TRIM36: variants seen among roughly 807,000 people sequenced by gnomAD.
TRIM36 encodes the protein E3 ubiquitin-protein ligase TRIM36.
A neutral mutation model predicts 72.4 loss-of-function variants in TRIM36; 42 were observed. The observed-to-expected ratio is 0.58, with a 90% CI of 0.45 to 0.75. The LOEUF (loss-of-function observed/expected upper bound fraction) is 0.75, where lower values mean the gene tolerates loss of function less well. TRIM36 is among the 30% of genes least tolerant of loss of function. The probability of loss-of-function intolerance (pLI) is 0.00; values close to 1 mark genes in which losing one functional copy is unlikely to be tolerated. For synonymous variants in TRIM36, 315 were observed against 282.8 expected (o/e 1.11, Z -1.14); for missense variants, 913 against 857.1 (o/e 1.07, Z -0.81).
At position 115,137,136 on chromosome 5, in the gene TRIM36, T is replaced by C. The variant is rs780420950; in HGVS notation, c.1086-12A>G. The C allele has an allele frequency of 1.2e-5, 18 of 1,562,266 alleles. No individual in the cohort carries two copies. Among genetic ancestry groups the C allele is most frequent in the Non-Finnish European group, 1.5e-5 (17 of 1,160,464 alleles). ...TGGCTTTCTGTATTCTGCAGACAGA[T>C]ATTTTATATAAAAATGTTTCTTTAA... is the stretch of plus-strand genomic sequence containing the variant. On this transcript the variant is annotated splice_polypyrimidine_tract_variant and intron_variant, in intron 6 of 9. Coordinates refer to ENST00000513154, the MANE Select transcript of TRIM36 (RefSeq NM_001300759.2).
chr5:115,130,613 G>A lies in TRIM36; in HGVS notation c.1775C>T (p.Pro592Leu), dbSNP rs1752625099. 1 of 1,613,982 alleles carries A rather than the reference G, an allele frequency of 6.2e-7. No individual in the cohort carries two copies. Among genetic ancestry groups the A allele is most frequent in the Non-Finnish European group, 8.5e-7 (1 of 1,179,938 alleles). The change falls in exon 9 of 10, where the codon CCC (proline) becomes CTC (leucine). Residue 592 changes from proline (P) to leucine (L), a missense_variant. Transcript: ENST00000513154. ...SDKLQEWLRS[P>L]RDAVSPRYEQ... Reference sequence around the variant, plus strand: ...CTACCTTGGACTAACTGCATCCCGGGGAGAACGGAGCCATTCTTGTAGTTT... The same window carrying A: ...CTACCTTGGACTAACTGCATCCCGGAGAGAACGGAGCCATTCTTGTAGTTT...
chr5:115,144,562 G>A (rs368887820), intron 4 of TRIM36, 36 bp downstream of exon 4: 85 of 1,611,244 alleles, frequency 5.3e-5, no homozygotes, highest in Admixed American at 1.9e-4. Flanking sequence ...GTAAAGTTAC[G>A]AAGAATCAAA....
At chr5:115,145,403 TGAAA>T (rs1484198527) in intron 3 of TRIM36, among the ~76,000 whole-genome samples, 3 of 152,234 alleles carry the variant, frequency 2.0e-5, no homozygotes, top group East Asian at 1.9e-4. Context: ...TGTTTTCATT[TGAAA>T]GAAAGGGGAG....
intron 2 of TRIM36, among the ~76,000 whole-genome samples, chr5:115,152,961 AAAC>A (rs531996588): frequency 2.0e-5 from 3 of 152,294 alleles, no homozygotes; most frequent in African/African-American, 7.2e-5. Context: ...AAGATTTAAA[AAAC>A]AACAACAACA....
At chr5:115,133,755 G>A in intron 8 of TRIM36, 105 bp downstream of exon 8, 3 of 1,152,508 alleles carry the variant, frequency 2.6e-6, no homozygotes, top group South Asian at 4.4e-5. Flanking sequence ...TTAAAAACAA[G>A]AGCTGGTTTC....
chr5:115,179,987 T>C (rs761145898), exon 1 of TRIM36: 14 of 1,613,974 alleles, frequency 8.7e-6, no homozygotes, highest in African/African-American at 6.7e-5. Context: ...TGCCTTTAGC[T>C]ATCAATTCCA....
Position 115,137,491 on chromosome 5 carries a change from T to G in TRIM36, c.957A>C (p.Lys319Asn). The change falls in exon 6 of 10, where the codon AAA (lysine) becomes AAC (asparagine). Residue 319 changes from lysine (K) to asparagine (N), a missense_variant. Coordinates refer to ENST00000513154, the MANE Select transcript of TRIM36 (RefSeq NM_001300759.2). ...IDSSKKLRLD[K>N]FQTQMEEYQG... Reference sequence around the variant, plus strand: ...GGTACTCTTCCATTTGAGTCTGAAATTTGTCTAATCTTAGTTTCTTAGAGG... The same window carrying G: ...GGTACTCTTCCATTTGAGTCTGAAAGTTGTCTAATCTTAGTTTCTTAGAGG... The G allele has an allele frequency of 6.2e-7, 1 of 1,614,174 alleles. No homozygotes were observed. Among genetic ancestry groups the G allele is most frequent in the East Asian group, 2.2e-5 (1 of 44,870 alleles).
chr5:115,177,638 G>T, intron 1 of TRIM36: 10 of 1,564,746 alleles, frequency 6.4e-6, no homozygotes, highest in Non-Finnish European at 8.7e-6. Context: ...GGCGGGGCAG[G>T]ATTTGAGCCT....
rs906643792 is a variant in TRIM36 at position 115,159,674 on chromosome 5, T to A, written c.262+3844A>T. The A allele has an allele frequency of 2.7e-5, 12 of 452,116 alleles. No homozygotes were observed. The East Asian group carries it at 7.8e-4, about 29-fold the overall frequency. The allele number at this position is 452,116 out of a possible 1,614,324, so 28.0% of individuals were successfully genotyped here. On this transcript the variant is annotated intron_variant, in intron 2 of 9. Coordinates refer to ENST00000513154, the MANE Select transcript of TRIM36 (RefSeq NM_001300759.2). ...CCCACAGATCTCCGTTGTGATGCTG[T>A]GAACAATGAACAGAAAGCTGGATTT...
intron 1 of TRIM36, chr5:115,177,646 C>A: frequency 6.3e-7 from 1 of 1,577,272 alleles, no homozygotes. Flanking sequence ...AGGATTTGAG[C>A]CTGAGGAGAG....
rs112582003 is a variant in TRIM36 at position 115,131,238 on chromosome 5, A to C, written c.1499-349T>G. On this transcript the variant is annotated intron_variant, in intron 8 of 9. Coordinates refer to ENST00000513154, the MANE Select transcript of TRIM36 (RefSeq NM_001300759.2). ...TCTTTATTAAAGATAAAAAATAATA[A>C]AGAGTTGTAAATTTTCATAAATAGT... is the stretch of plus-strand genomic sequence containing the variant. Among the ~76,000 whole-genome samples, 170 of 152,304 alleles carry C rather than the reference A, an allele frequency of 1.1e-3. 2 individuals carry two copies. The highest frequency in any genetic ancestry group is 3.8e-3 in the African/African-American group (156 of 41,564).
intron 2 of TRIM36, among the ~76,000 whole-genome samples, chr5:115,157,761 C>T (rs1030249836): frequency 6.6e-6 from 1 of 152,078 alleles, no homozygotes; most frequent in African/African-American, 2.4e-5. Flanking sequence ...GGTATATATA[C>T]ACGACGGAAT....
rs941530300 is a variant in TRIM36 at position 115,147,102 on chromosome 5, C to T, written c.555G>A (p.Glu185=). Residue 185 remains glutamate, a synonymous_variant, in exon 3 of 10, where the codon GAG becomes GAA. Transcript: ENST00000513154. ...TGAAGTTAGTAGTTGGACCAACATA[C>T]TCATGTTGAGCTTTTATAGTACCCC... ...HPWGTIKAQH[E]YVGPTTNFRP... 2 of 1,613,930 alleles carry T rather than the reference C, an allele frequency of 1.2e-6. No homozygotes were observed. Among genetic ancestry groups the T allele is most frequent in the Middle Eastern group, 1.6e-4 (1 of 6,084 alleles).
At chr5:115,168,920 T>C (rs1754931531) in intron 1 of TRIM36, 1 of 152,222 alleles carries the variant, frequency 6.6e-6, no homozygotes, top group Non-Finnish European at 1.5e-5. Context: ...TAAAGCAGTG[T>C]CTTGAATCTG....
intron 1 of TRIM36, among the ~76,000 whole-genome samples, chr5:115,167,696 C>G (rs1426133115): frequency 2.0e-5 from 3 of 152,210 alleles, no homozygotes; most frequent in African/African-American, 7.2e-5. Context: ...CAAACTTTCC[C>G]ACATCTTCCT....
chr5:115,133,348 C>T (rs939727827), intron 8 of TRIM36, among the ~76,000 whole-genome samples: 2 of 152,142 alleles, frequency 1.3e-5, no homozygotes, highest in Non-Finnish European at 1.5e-5. Context: ...GAGCTTTTAG[C>T]GTGGGAGGAA....
intron 2 of TRIM36, among the ~76,000 whole-genome samples, chr5:115,154,587 A>G (rs1754070682): frequency 6.6e-6 from 1 of 152,198 alleles, no homozygotes; most frequent in Non-Finnish European, 1.5e-5. Context: ...AAAACCTAGA[A>G]GAGACAGATA....
intron 1 of TRIM36, among the ~76,000 whole-genome samples, chr5:115,167,348 C>T (rs936496093): frequency 1.3e-5 from 2 of 152,194 alleles, no homozygotes; most frequent in Non-Finnish European, 2.9e-5. Context: ...ATAGTCTTGG[C>T]AATTAACATT....
chr5:115,153,109 T>C (rs1753982006), intron 2 of TRIM36, among the ~76,000 whole-genome samples: 1 of 152,058 alleles, frequency 6.6e-6, no homozygotes, highest in African/African-American at 2.4e-5. Flanking sequence ...TAAGTAAGAC[T>C]TCACCAACCA....
Sources: gnomAD v4.1 joint callset for allele counts (sites outside exome capture counted in the v4.1 genomes callset) on GRCh38, gnomAD v4.1.1 for gene constraint, MANE v1.5 for transcripts, NCBI Gene and HGNC (gene_info 2026-07-23, HGNC 2026-07-21) for gene names.